The following DCC variants were observed in gnomAD, a reference collection of about 807,000 sequenced individuals.
The protein encoded by DCC is DCC netrin 1 receptor.
DCC carries 58 observed loss-of-function variants against 172.5 expected under a neutral mutation model. The observed-to-expected ratio is 0.34, with a 90% CI of 0.27 to 0.42. The LOEUF is 0.42. Ranked by LOEUF, DCC falls within the 10% of genes least tolerant of loss-of-function variation. The pLI is 1.00. For missense variants in DCC, 1,740 were observed against 1,791.0 expected (o/e 0.97, Z 0.51); for synonymous variants, 709 against 644.5 (o/e 1.10, Z -1.52).
At chr18:52,878,031 C>G (rs1394661638) in intron 2 of DCC, among the ~76,000 whole-genome samples, 1 of 152,082 alleles carries the variant, frequency 6.6e-6, no homozygotes, top group Non-Finnish European at 1.5e-5. Context: ...CTCTCTTCCC[C>G]AGCATTCATG....
At chr18:53,094,614 T>C (rs1295715229) in intron 7 of DCC, among the ~76,000 whole-genome samples, 4 of 152,236 alleles carry the variant, frequency 2.6e-5, no homozygotes, top group Non-Finnish European at 5.9e-5. Context: ...TGGAATTTTA[T>C]AGAATAATTT....
Position 52,856,899 on chromosome 18 carries a change from A to C in DCC, c.413-49145A>C, listed in dbSNP as rs192039856. Among the ~76,000 whole-genome samples the C allele has an allele frequency of 2.0e-5, 3 of 152,272 alleles. No homozygotes were observed. The East Asian group carries it at 5.8e-4, about 29-fold the overall frequency. ...AATTAGAAGTAACTGTTATACAACA[A>C]ATTAGGTATGAATTTTCAATATGAA... On this transcript the variant is annotated intron_variant, in intron 2 of 28. Transcript: ENST00000442544.
At chr18:53,408,247 GT>G in intron 19 of DCC, among the ~76,000 whole-genome samples, 1 of 152,208 alleles carries the variant, frequency 6.6e-6, no homozygotes, top group Non-Finnish European at 1.5e-5. Flanking sequence ...GCACATATTT[GT>G]TATCTTATGG....
chr18:53,221,106 A>T (rs983928305), intron 12 of DCC, among the ~76,000 whole-genome samples: 5 of 152,014 alleles, frequency 3.3e-5, no homozygotes, highest in Admixed American at 2.6e-4. Context: ...TACTTAATAG[A>T]TCCTTTTTTA....
intron 1 of DCC, among the ~76,000 whole-genome samples, chr18:52,447,559 G>C (rs74253970): frequency 0.026 from 3,947 of 152,254 alleles, 135 homozygotes; most frequent in African/African-American, 0.078. Context: ...CAGAATGGAG[G>C]TGTGCTAGTC....
intron 2 of DCC, among the ~76,000 whole-genome samples, chr18:52,856,582 C>A (rs1024343050): frequency 7.3e-6 from 1 of 137,918 alleles, no homozygotes; most frequent in Non-Finnish European, 1.5e-5. Flanking sequence ...GCCGGGATTG[C>A]GCCACTGCAC....
At chr18:52,959,068 G>T (rs1454553566) in intron 5 of DCC, among the ~76,000 whole-genome samples, 3 of 152,132 alleles carry the variant, frequency 2.0e-5, no homozygotes, top group Admixed American at 2.0e-4. Flanking sequence ...GCCCAGGGAA[G>T]CCAAAGGACT....
intron 8 of DCC, among the ~76,000 whole-genome samples, chr18:53,158,837 C>CA (rs1415785418): frequency 2.0e-5 from 3 of 151,426 alleles, no homozygotes; most frequent in Non-Finnish European, 2.9e-5. Context: ...TCTAAAAATA[C>CA]AAAAAATTAG....
At chr18:53,378,045 T>G (rs1256678840) in intron 15 of DCC, among the ~76,000 whole-genome samples, 1 of 152,194 alleles carries the variant, frequency 6.6e-6, no homozygotes, top group African/African-American at 2.4e-5. Context: ...CACTGCAACT[T>G]CTGCGTCCTG....
At chr18:52,873,933 G>A (rs113153363) in intron 2 of DCC, among the ~76,000 whole-genome samples, 4 of 152,148 alleles carry the variant, frequency 2.6e-5, no homozygotes. Flanking sequence ...TAGAAAGGAA[G>A]GTGTAAGGAT....
At chr18:52,479,143 G>C (rs995593631) in intron 1 of DCC, among the ~76,000 whole-genome samples, 7 of 152,130 alleles carry the variant, frequency 4.6e-5, no homozygotes, top group Non-Finnish European at 1.0e-4. Context: ...GATATGGAGA[G>C]ATATGTACAG....
chr18:52,607,403 T>G (rs1174118374), intron 1 of DCC, among the ~76,000 whole-genome samples: 2 of 152,126 alleles, frequency 1.3e-5, no homozygotes, highest in African/African-American at 4.8e-5. Flanking sequence ...GGGGTACCAC[T>G]TAAAGATGGG....
intron 1 of DCC, among the ~76,000 whole-genome samples, chr18:52,695,870 AG>A (rs2036003950): frequency 6.6e-6 from 1 of 152,166 alleles, no homozygotes; most frequent in South Asian, 2.1e-4. Context: ...GCCATGAGAA[AG>A]GAGGAATCTG....
chr18:53,405,992 C>T lies in DCC; in HGVS notation c.2935+3099C>T, dbSNP rs192616320. On this transcript the variant is annotated intron_variant, in intron 19 of 28. Coordinates refer to ENST00000442544, the MANE Select transcript of DCC (RefSeq NM_005215.4). ...TTGCAGCTGAGATTTTAATTTAATT[C>T]ATATGAGAAGGGACTGAGCATGGTA... 4.5e-3 allele frequency among the ~76,000 whole-genome samples: 692 copies of T among 152,196 alleles called. 8 individuals carry two copies. Among genetic ancestry groups the T allele is most frequent in the African/African-American group, 0.016 (671 of 41,546 alleles).
At chr18:53,347,159 G>A (rs945193727) in intron 15 of DCC, among the ~76,000 whole-genome samples, 11 of 152,086 alleles carry the variant, frequency 7.2e-5, no homozygotes, top group African/African-American at 2.7e-4. Flanking sequence ...GATTCTTCTG[G>A]CACAAAGTGG....
chr18:52,819,814 G>GTTCATGCCATTCTCCTGCC (rs1453039560), intron 2 of DCC, among the ~76,000 whole-genome samples: 1 of 152,036 alleles, frequency 6.6e-6, no homozygotes, highest in Non-Finnish European at 1.5e-5. Flanking sequence ...CGCCTCCTGG[G>GTTCATGCCATTCTCCTGCC]TTCATGCCAT....
chr18:53,382,223 CA>C (rs1907818535), intron 15 of DCC, among the ~76,000 whole-genome samples: 2 of 151,804 alleles, frequency 1.3e-5, no homozygotes, highest in African/African-American at 4.8e-5. Context: ...ATTTGAACTG[CA>C]AAAAGGCAAT....
intron 1 of DCC, among the ~76,000 whole-genome samples, chr18:52,386,488 T>C (rs1229239839): frequency 6.6e-6 from 1 of 152,098 alleles, no homozygotes; most frequent in Non-Finnish European, 1.5e-5. Flanking sequence ...TTTCATTCCT[T>C]TTCTGTTGGT....
intron 12 of DCC, among the ~76,000 whole-genome samples, chr18:53,222,387 T>TTC (rs1283545051): frequency 2.2e-5 from 3 of 137,284 alleles, no homozygotes; most frequent in Non-Finnish European, 4.7e-5. Flanking sequence ...TTTTTTCTTT[T>TTC]TTTTTTTTTT....
Sources: allele counts gnomAD v4.1 joint callset (sites outside exome capture counted in the v4.1 genomes callset), GRCh38; gene constraint gnomAD v4.1.1; transcripts MANE v1.5; gene names NCBI Gene and HGNC (gene_info 2026-07-23, HGNC 2026-07-21).